Variants in ERBB4 observed in about 807,000 individuals in gnomAD.
ERBB4 encodes the protein erb-b2 receptor tyrosine kinase 4.
A neutral mutation model predicts 158.0 loss-of-function variants in ERBB4; 42 were observed. The ratio of observed to expected loss-of-function variants is 0.27; its 90% CI spans 0.21 to 0.34. ERBB4 has a LOEUF of 0.34. Among genes scored for constraint, ERBB4 ranks in the 10% least tolerant of loss-of-function variants. ERBB4 has a pLI of 1.00. For missense variants in ERBB4, 1,333 were observed against 1,624.1 expected, an observed-to-expected ratio of 0.82 and a Z score of 3.08; for synonymous variants, 583 against 558.7, an observed-to-expected ratio of 1.04 and a Z score of -0.61.
chr2:211,700,507 C>A (rs554112102), intron 12 of ERBB4, among the ~76,000 whole-genome samples: 2 of 151,936 alleles, frequency 1.3e-5, no homozygotes, highest in African/African-American at 2.4e-5. Flanking sequence ...TTTTAAGGAT[C>A]GAAAAGAGCT....
At chr2:211,619,985 T>C (rs1361745018) in intron 18 of ERBB4, among the ~76,000 whole-genome samples, 1 of 152,114 alleles carries the variant, frequency 6.6e-6, no homozygotes, top group Non-Finnish European at 1.5e-5. Context: ...AAAATATAAT[T>C]ATAATATCTG....
intron 14 of ERBB4, among the ~76,000 whole-genome samples, chr2:211,669,279 G>GA (rs200685399): frequency 2.1e-4 from 29 of 139,202 alleles, no homozygotes; most frequent in African/African-American, 5.2e-4. Context: ...TACTTTACAT[G>GA]AAAAAAAAAG....
At chr2:212,443,894 C>T (rs751326585) in intron 1 of ERBB4, among the ~76,000 whole-genome samples, 2 of 152,164 alleles carry the variant, frequency 1.3e-5, no homozygotes, top group Admixed American at 1.3e-4. Context: ...GAACATTTGA[C>T]CATAGGTCAT....
At chr2:211,588,871 A>T (rs2125787879) in intron 19 of ERBB4, among the ~76,000 whole-genome samples, 1 of 152,292 alleles carries the variant, frequency 6.6e-6, no homozygotes, top group East Asian at 1.9e-4. Context: ...TCAACAAAAA[A>T]ATCTTGGGCA....
At chr2:212,269,246 C>A (rs547747543) in intron 1 of ERBB4, among the ~76,000 whole-genome samples, 37 of 151,824 alleles carry the variant, frequency 2.4e-4, no homozygotes, top group Non-Finnish European at 4.9e-4. Flanking sequence ...ACTGACTACA[C>A]GTCCACCTTA....
chr2:212,046,559 A>AT (rs1442958547), intron 2 of ERBB4, among the ~76,000 whole-genome samples: 1 of 152,176 alleles, frequency 6.6e-6, no homozygotes, highest in Admixed American at 6.5e-5. Context: ...GTATTGATGT[A>AT]TTTATCATTT....
At chr2:212,276,687 T>A (rs1246613088) in intron 1 of ERBB4, among the ~76,000 whole-genome samples, 1 of 151,856 alleles carries the variant, frequency 6.6e-6, no homozygotes, top group East Asian at 1.9e-4. Flanking sequence ...CGCTATCAGA[T>A]GAGTAACTCA....
chr2:211,443,970 G>A (rs906990373), intron 20 of ERBB4, among the ~76,000 whole-genome samples: 13 of 151,830 alleles, frequency 8.6e-5, no homozygotes, highest in African/African-American at 1.9e-4. Flanking sequence ...AATTCCCTCC[G>A]ATTTTAAGTA....
chr2:212,153,703 G>A (rs985274898), intron 1 of ERBB4, among the ~76,000 whole-genome samples: 1 of 152,070 alleles, frequency 6.6e-6, no homozygotes, highest in African/African-American at 2.4e-5. Context: ...TAATTTGCAC[G>A]CATGAATATG....
At chr2:212,391,568 A>G (rs1031293688) in intron 1 of ERBB4, among the ~76,000 whole-genome samples, 1 of 148,838 alleles carries the variant, frequency 6.7e-6, no homozygotes, top group Non-Finnish European at 1.5e-5. Flanking sequence ...ACTGTCTATA[A>G]AATTATGGAT....
chr2:212,154,033 G>A (rs2080954890), intron 1 of ERBB4, among the ~76,000 whole-genome samples: 1 of 151,944 alleles, frequency 6.6e-6, no homozygotes, highest in African/African-American at 2.4e-5. Context: ...ACAATACCTC[G>A]TATATGCCCC....
chr2:212,398,993 G>A (rs1041169462), intron 1 of ERBB4, among the ~76,000 whole-genome samples: 1 of 151,830 alleles, frequency 6.6e-6, no homozygotes, highest in African/African-American at 2.4e-5. Flanking sequence ...GCCCAGGTTG[G>A]AGTGCAGTGG....
chr2:211,576,736 AATTAT>A, intron 19 of ERBB4, among the ~76,000 whole-genome samples: 1 of 152,116 alleles, frequency 6.6e-6, no homozygotes, highest in Non-Finnish European at 1.5e-5. Context: ...AAACATTAGT[AATTAT>A]AATTATAAAT....
chr2:211,718,942 G>GAA (rs2074009562), intron 7 of ERBB4, among the ~76,000 whole-genome samples: 1 of 152,184 alleles, frequency 6.6e-6, no homozygotes, highest in Admixed American at 6.5e-5. Context: ...AGAAACATCA[G>GAA]AAACAGCTGA....
At chr2:211,846,838 CTTAG>C (rs1025960686) in intron 3 of ERBB4, among the ~76,000 whole-genome samples, 8 of 152,242 alleles carry the variant, frequency 5.3e-5, no homozygotes, top group Non-Finnish European at 8.8e-5. Flanking sequence ...AAAAATCCAT[CTTAG>C]TTATATTTCT....
intron 3 of ERBB4, among the ~76,000 whole-genome samples, chr2:211,800,823 A>G (rs2076484233): frequency 6.6e-6 from 1 of 152,168 alleles, no homozygotes; most frequent in Non-Finnish European, 1.5e-5. Context: ...AAGGAAAAGC[A>G]CTTCAATTTG....
chr2:212,259,293 A>C (rs1406586704), intron 1 of ERBB4, among the ~76,000 whole-genome samples: 1 of 152,298 alleles, frequency 6.6e-6, no homozygotes, highest in East Asian at 1.9e-4. Flanking sequence ...TTATACTTTA[A>C]AATCTATTCT....
At chr2:212,358,157 AT>A (rs1188132302) in intron 1 of ERBB4, among the ~76,000 whole-genome samples, 2 of 151,968 alleles carry the variant, frequency 1.3e-5, no homozygotes, top group East Asian at 1.9e-4. Context: ...ACATGAATAC[AT>A]TTTTTTAAAA....
intron 4 of ERBB4, among the ~76,000 whole-genome samples, chr2:211,753,834 C>T (rs1213488784): frequency 6.7e-6 from 1 of 148,794 alleles, no homozygotes; most frequent in Non-Finnish European, 1.5e-5. Flanking sequence ...CTCAGGCATG[C>T]ACTAACCTCA....
Sources: gnomAD v4.1 joint callset for allele counts (sites outside exome capture counted in the v4.1 genomes callset) on GRCh38, gnomAD v4.1.1 for gene constraint, MANE v1.5 for transcripts, NCBI Gene and HGNC (gene_info 2026-07-23, HGNC 2026-07-21) for gene names.